Variants in ERFE observed in about 807,000 individuals in gnomAD.
ERFE encodes complement C1q tumor necrosis factor-related protein 15.
ERFE carries 25 observed loss-of-function variants against 26.6 expected under a neutral mutation model. That is an observed-to-expected ratio of 0.94 (90% confidence interval 0.69 to 1.31). The LOEUF (loss-of-function observed/expected upper bound fraction) is 1.31, where lower values mean the gene tolerates loss of function less well. Among genes scored for constraint, ERFE ranks in the 40% most tolerant of loss-of-function variants. The pLI, the probability that ERFE is intolerant of heterozygous loss-of-function variation, is 0.00. For missense variants in ERFE, 447 were observed against 440.2 expected, an observed-to-expected ratio of 1.02 and a Z score of -0.14; for synonymous variants, 206 against 204.5, an observed-to-expected ratio of 1.01 and a Z score of -0.06.
chr2:238,168,777 ACT>A lies in ERFE; in HGVS notation c.*1724_*1725del, dbSNP rs1488774932. The stretch of plus-strand genomic sequence containing the variant: ...CCACTGGGCACAGATATTCTAGAGA[ACT>A]TATCTTTCACTCTTGTAAAAGCCAC... On this transcript the variant is annotated 3_prime_UTR_variant, in exon 8 of 8. Coordinates refer to ENST00000546354, the MANE Select transcript of ERFE (RefSeq NM_001291832.2). 1.6e-5 allele frequency: 3 copies of A among 186,630 alleles called. No homozygotes were observed. Among genetic ancestry groups the A allele is most frequent in the African/African-American group, 7.0e-5 (3 of 42,734 alleles). The allele number at this position is 186,630 out of a possible 1,614,324, so 11.6% of individuals were successfully genotyped here.
intron 1 of ERFE, among the ~76,000 whole-genome samples, 164 bp downstream of exon 1, chr2:238,159,369 C>T (rs1486929885): frequency 5.9e-5 from 9 of 151,960 alleles, no homozygotes; most frequent in Admixed American, 5.9e-4. Flanking sequence ...GCCGTGTAGA[C>T]GCCGCCCTCA....
chr2:238,168,736 A>C lies in ERFE; in HGVS notation c.*1682A>C, dbSNP rs1370606253. On this transcript the variant is annotated 3_prime_UTR_variant, in exon 8 of 8. Transcript: ENST00000546354. ...GGGTGATGTGGCCACGCCCTTATCT[A>C]GATTTCACTTTGTATCCACTGGGCA... 1 of 233,038 alleles carries C rather than the reference A, an allele frequency of 4.3e-6. No homozygotes were observed. Among genetic ancestry groups the C allele is most frequent in the African/African-American group, 2.3e-5 (1 of 44,346 alleles). 14.4% of individuals were successfully genotyped at this position (233,038 alleles called of 1,614,324 possible). A position where few individuals can be genotyped will look rare whatever the true frequency, so the allele number is the denominator to read the frequency against.
rs1206603471 is a variant in ERFE at position 238,168,875 on chromosome 2, A to C, written c.*1821A>C. ...TATTAAAGTATTTATTGTCTAATAA[A>C]TACTGCCAAGTGGAATATATTTATA... On this transcript the variant is annotated 3_prime_UTR_variant, in exon 8 of 8. Coordinates refer to ENST00000546354, the MANE Select transcript of ERFE (RefSeq NM_001291832.2). 2 of 162,426 alleles carry C rather than the reference A, an allele frequency of 1.2e-5. No homozygotes were observed. The highest frequency in any genetic ancestry group is 2.4e-5 in the African/African-American group (1 of 41,738). 10.1% of individuals were successfully genotyped at this position (162,426 alleles called of 1,614,324 possible). A position where few individuals can be genotyped will look rare whatever the true frequency, so the allele number is the denominator to read the frequency against.
chr2:238,168,573 T>A lies in ERFE; in HGVS notation c.*1519T>A, dbSNP rs904087138. On this transcript the variant is annotated 3_prime_UTR_variant, in exon 8 of 8. Transcript: ENST00000546354. ...CCCAACATCGAATCAAACATCTCCA[T>A]CCCCAAGTGCAGTAACACACAAAAA... The A allele has an allele frequency of 1.4e-5, 6 of 417,736 alleles. No individual in the cohort carries two copies. Among genetic ancestry groups the A allele is most frequent in the African/African-American group, 1.2e-4 (6 of 48,324 alleles). The allele number at this position is 417,736 out of a possible 1,614,324, so 25.9% of individuals were successfully genotyped here.
Position 238,164,345 on chromosome 2 carries a change from G to T in ERFE, c.872G>T (p.Arg291Leu), listed in dbSNP as rs1052634503. Residue 291 changes from arginine (R) to leucine (L), a missense_variant, in exon 6 of 8, where the codon CGG becomes CTG. By Grantham distance (102) the Arg-to-Leu change is moderately radical (BLOSUM62 -2). Transcript: ENST00000546354. ...CGCCTGCTCATCTGCATCCAGTCCC[G>T]GTGCCAGCGCAACGCGTGAGTGTAC... Reference protein sequence around the residue: ...HLRLLICIQSRCQRNASLEAI... With the variant: ...HLRLLICIQSLCQRNASLEAI... 6.5e-7 allele frequency: 1 copy of T among 1,541,314 alleles called. No individual in the cohort carries two copies. The highest frequency in any genetic ancestry group is 8.7e-7 in the Non-Finnish European group (1 of 1,145,178).
At position 238,168,662 on chromosome 2, in the gene ERFE, T is replaced by TAGA. The variant is rs1693089439; in HGVS notation, c.*1611_*1613dup. On this transcript the variant is annotated 3_prime_UTR_variant, in exon 8 of 8. Transcript: ENST00000546354. ...CAGTAGGACTCACACCCACCCTACCTAGAAGTACTGGGCTGGCCTGGGTAC... is the reference window on the plus strand; with the variant it reads ...CAGTAGGACTCACACCCACCCTACCTAGAAGAAGTACTGGGCTGGCCTGGGTAC... 2.8e-6 allele frequency: 1 copy of TAGA among 352,708 alleles called. No homozygotes were observed. The highest frequency in any genetic ancestry group is 2.1e-5 in the African/African-American group (1 of 46,670). 21.8% of individuals were successfully genotyped at this position (352,708 alleles called of 1,614,324 possible).
At chr2:238,160,319 C>T (rs187369537) in intron 1 of ERFE, among the ~76,000 whole-genome samples, 7 of 152,338 alleles carry the variant, frequency 4.6e-5, no homozygotes, top group Admixed American at 3.9e-4. Flanking sequence ...CTGCCTGTTA[C>T]AGCTCTACCT....
Position 238,162,718 on chromosome 2 carries a change from G to A in ERFE, c.322-18G>A. On this transcript the variant is annotated intron_variant, in intron 2 of 7. Transcript: ENST00000546354. ...AGCCTGCTCCTCACATGTCCTCACT[G>A]CCAAGGTTCCCTTTCAGTTCGGCTT... is the stretch of plus-strand genomic sequence containing the variant. 4 of 1,503,032 alleles carry A rather than the reference G, an allele frequency of 2.7e-6. No homozygotes were observed. In the Admixed American group the frequency reaches 5.9e-5, roughly 22 times the overall value. The allele number at this position is 1,503,032 out of a possible 1,614,324, so 93.1% of individuals were successfully genotyped here.
intron 6 of ERFE, among the ~76,000 whole-genome samples, chr2:238,165,218 G>A (rs1206658129): frequency 1.3e-5 from 2 of 152,260 alleles, no homozygotes; most frequent in African/African-American, 2.4e-5. Flanking sequence ...GATAGCTGGA[G>A]CAGACTTGAA....
In ERFE at chr2:238,164,013, C is replaced by T. The variant is rs1406924420; in HGVS notation, c.687+14C>T. Reference sequence around the variant, plus strand: ...GTCTACTACCTGGTGAGTGCCGGCGCGCGGGAGGGCGGGTGAGTCCGGCCG... The same window carrying T: ...GTCTACTACCTGGTGAGTGCCGGCGTGCGGGAGGGCGGGTGAGTCCGGCCG... On this transcript the variant is annotated intron_variant, in intron 4 of 7. Transcript: ENST00000546354. 41 of 1,374,220 alleles carry T rather than the reference C, an allele frequency of 3.0e-5. No homozygotes were observed. The highest frequency in any genetic ancestry group is 3.7e-5 in the Non-Finnish European group (40 of 1,070,648). 85.1% of individuals were successfully genotyped at this position (1,374,220 alleles called of 1,614,324 possible).
intron 2 of ERFE, among the ~76,000 whole-genome samples, chr2:238,162,166 G>A (rs547863608): frequency 8.4e-4 from 128 of 152,354 alleles, no homozygotes; most frequent in African/African-American, 3.1e-3. Flanking sequence ...AATACGGGGT[G>A]TGGGCTTCTC....
At position 238,164,378 on chromosome 2, in the gene ERFE, C is replaced by T. The variant is rs904249573; in HGVS notation, c.887+18C>T. On this transcript the variant is annotated intron_variant, in intron 6 of 7. Transcript: ENST00000546354. ...CGCAACGCGTGAGTGTACCCCGGCC[C>T]GGACCCCACACCCGCATTCGCTCGG... is the stretch of plus-strand genomic sequence containing the variant. 3 of 1,542,230 alleles carry T rather than the reference C, an allele frequency of 1.9e-6. No individual in the cohort carries two copies. Among genetic ancestry groups the T allele is most frequent in the Non-Finnish European group, 1.7e-6 (2 of 1,144,862 alleles).
At position 238,164,232 on chromosome 2, in the gene ERFE, C is replaced by T. The variant is rs967017016; in HGVS notation, c.797-38C>T. On this transcript the variant is annotated intron_variant, in intron 5 of 7. Transcript: ENST00000546354. ...TCGCCCGCTCTGTCGCCCACCCCGC[C>T]GCCCGCCCGCTTGACCACGTCCCAC... is the stretch of plus-strand genomic sequence containing the variant. 4.9e-6 allele frequency: 7 copies of T among 1,437,088 alleles called. No homozygotes were observed. In the African/African-American group the frequency reaches 6.0e-5, roughly 12 times the overall value. The allele number at this position is 1,437,088 out of a possible 1,614,324, so 89.0% of individuals were successfully genotyped here.
Position 238,163,894 on chromosome 2 carries a change from C to T in ERFE, c.582C>T (p.Ala194=), listed in dbSNP as rs1198555593. ...TGGCACTGCTGGCCGCGCCCCTGGCCCCGGGGCCGCGGGCGCCGCGCGTGG... is the reference window on the plus strand; with the variant it reads ...TGGCACTGCTGGCCGCGCCCCTGGCTCCGGGGCCGCGGGCGCCGCGCGTGG... ...DVLALLAAPL[A]PGPRAPRVEA... Residue 194 remains alanine (A), a synonymous_variant, in exon 4 of 8, where the codon GCC becomes GCT. Coordinates refer to ENST00000546354, the MANE Select transcript of ERFE (RefSeq NM_001291832.2). The T allele has an allele frequency of 8.3e-6, 11 of 1,318,560 alleles. No individual in the cohort carries two copies. The highest frequency in any genetic ancestry group is 1.1e-5 in the Non-Finnish European group (11 of 1,042,876). 81.7% of individuals were successfully genotyped at this position (1,318,560 alleles called of 1,614,324 possible).
At chr2:238,161,042 C>T (rs942847628) in intron 1 of ERFE, among the ~76,000 whole-genome samples, 4 of 152,240 alleles carry the variant, frequency 2.6e-5, no homozygotes, top group African/African-American at 7.2e-5. Context: ...CATGACAGCT[C>T]GCCTGGTCCT....
chr2:238,165,621 C>A lies in ERFE; in HGVS notation c.903C>A (p.Ile301=), dbSNP rs542860760. 3.9e-6 allele frequency: 6 copies of A among 1,548,502 alleles called. No individual in the cohort carries two copies. Among genetic ancestry groups the A allele is most frequent in the South Asian group, 2.4e-5 (2 of 84,028 alleles). ...TTGGGTACAGCTCCCTGGAGGCCAT[C>A]ATGGGCCTGGAGAGCAGCAGTGAGC... ...RCQRNASLEA[I]MGLESSSELF... Residue 301 remains isoleucine (I), a synonymous_variant, in exon 7 of 8, where the codon ATC becomes ATA. Transcript: ENST00000546354.
rs941118618 is a variant in ERFE, at chr2:238,168,233, A to G, written c.*1179A>G. 2.8e-6 allele frequency: 1 copy of G among 358,404 alleles called. No homozygotes were observed. The highest frequency in any genetic ancestry group is 2.2e-5 in the South Asian group (1 of 46,262). The allele number at this position is 358,404 out of a possible 1,614,324, so 22.2% of individuals were successfully genotyped here. A position where few individuals can be genotyped will look rare whatever the true frequency, so the allele number is the denominator to read the frequency against. ...AGGCTGTGAGCCCGCAGCCTCCTCA[A>G]ATGTAGCCTCCCACATTTTCCCCAA... On this transcript the variant is annotated 3_prime_UTR_variant, in exon 8 of 8. Coordinates refer to ENST00000546354, the MANE Select transcript of ERFE (RefSeq NM_001291832.2).
At chr2:238,163,589 GC>G (rs1692972393) in intron 3 of ERFE, 147 bp from the exon 4 acceptor site, 1 of 971,374 alleles carries the variant, frequency 1.0e-6, no homozygotes, top group Non-Finnish European at 1.3e-6. Context: ...AGACTCCGAG[GC>G]CCTTCAGGCC....
At chr2:238,164,745 G>T (rs1342988169) in intron 6 of ERFE, 1 of 233,098 alleles carries the variant, frequency 4.3e-6, no homozygotes, top group Non-Finnish European at 8.4e-6. Flanking sequence ...CAGCTACTTG[G>T]GAGGCTGAGG....
Sources: allele counts gnomAD v4.1 joint callset (sites outside exome capture counted in the v4.1 genomes callset), GRCh38; gene constraint gnomAD v4.1.1; transcripts MANE v1.5; gene names NCBI Gene and HGNC (gene_info 2026-07-23, HGNC 2026-07-21).